Variants in GRIP1 observed in about 807,000 individuals in gnomAD.
GRIP1 encodes glutamate receptor interacting protein 1.
In GRIP1, 45 loss-of-function variants were observed where a neutral mutation model predicts 129.9. That is an observed-to-expected ratio of 0.35 (90% CI 0.27 to 0.44). The LOEUF is 0.44. Ranked by LOEUF, GRIP1 falls within the 20% of genes least tolerant of loss-of-function variation. GRIP1 has a pLI of 1.00. For missense variants in GRIP1, 1,196 were observed against 1,396.8 expected (o/e 0.86, Z 2.29); for synonymous variants, 530 against 520.8 (o/e 1.02, Z -0.24).
intron 7 of GRIP1, among the ~76,000 whole-genome samples, chr12:66,504,644 C>A (rs565788757): frequency 1.3e-5 from 2 of 152,240 alleles, no homozygotes; most frequent in South Asian, 2.1e-4. Flanking sequence ...TGGCCACCAC[C>A]AGTTAATCAG....
chr12:66,933,461 A>G (rs2041433463), intron 1 of GRIP1, among the ~76,000 whole-genome samples: 1 of 152,230 alleles, frequency 6.6e-6, no homozygotes, highest in Admixed American at 6.5e-5. Flanking sequence ...AAATGTATTT[A>G]CTATACTAAA....
chr12:66,904,087 T>G (rs989814629), intron 1 of GRIP1, among the ~76,000 whole-genome samples: 2 of 152,212 alleles, frequency 1.3e-5, no homozygotes, highest in Non-Finnish European at 2.9e-5. Flanking sequence ...GTCTGCCTTT[T>G]AGGAAGTATG....
chr12:66,365,447 C>T (rs1161324773), intron 23 of GRIP1, among the ~76,000 whole-genome samples: 1 of 152,092 alleles, frequency 6.6e-6, no homozygotes, highest in African/African-American at 2.4e-5. Flanking sequence ...TCACCTCCCT[C>T]CCAAAAAATA....
At chr12:66,451,584 C>T (rs2058808029) in intron 11 of GRIP1, among the ~76,000 whole-genome samples, 1 of 151,100 alleles carries the variant, frequency 6.6e-6, no homozygotes, top group South Asian at 2.1e-4. Flanking sequence ...TTTCTTTTCT[C>T]TTTTTTGTAG....
chr12:66,415,651 C>A (rs1406200490), intron 15 of GRIP1, among the ~76,000 whole-genome samples: 3 of 152,064 alleles, frequency 2.0e-5, no homozygotes, highest in Non-Finnish European at 4.4e-5. Context: ...TTCACAATAG[C>A]AAATACATGG....
intron 14 of GRIP1, among the ~76,000 whole-genome samples, chr12:66,432,295 A>T (rs1237110433): frequency 6.6e-6 from 1 of 152,140 alleles, no homozygotes; most frequent in Non-Finnish European, 1.5e-5. Flanking sequence ...AATAATTAAA[A>T]CAATCCTATA....
chr12:66,771,471 A>G (rs1229539962), intron 1 of GRIP1, among the ~76,000 whole-genome samples: 1 of 152,226 alleles, frequency 6.6e-6, no homozygotes, highest in Non-Finnish European at 1.5e-5. Flanking sequence ...CATTGAGTAC[A>G]TCATAAAGTA....
intron 1 of GRIP1, among the ~76,000 whole-genome samples, chr12:66,934,783 C>T (rs189993521): frequency 5.3e-5 from 8 of 152,204 alleles, no homozygotes; most frequent in African/African-American, 1.2e-4. Context: ...TTGAAAAATC[C>T]TACAGGGATC....
intron 1 of GRIP1, among the ~76,000 whole-genome samples, chr12:66,748,137 G>GCCTC (rs1176637834): frequency 6.6e-6 from 1 of 152,002 alleles, no homozygotes; most frequent in Non-Finnish European, 1.5e-5. Context: ...TCCTGCCTCA[G>GCCTC]CCTCCCAAGT....
intron 1 of GRIP1, among the ~76,000 whole-genome samples, chr12:66,828,703 C>G (rs1045246819): frequency 6.6e-6 from 1 of 152,176 alleles, no homozygotes; most frequent in Admixed American, 6.5e-5. Context: ...CAAAATTCAG[C>G]TCCAACTCCT....
At chr12:66,935,864 C>T (rs912102621) in intron 1 of GRIP1, among the ~76,000 whole-genome samples, 1 of 152,164 alleles carries the variant, frequency 6.6e-6, no homozygotes, top group Non-Finnish European at 1.5e-5. Flanking sequence ...GGCCAACACT[C>T]AGTTATTGTT....
rs551807720 is a variant in GRIP1 at position 67,059,593 on chromosome 12, G to A, written c.58+9457C>T. 2.0e-5 allele frequency among the ~76,000 whole-genome samples: 3 copies of A among 152,290 alleles called. No homozygotes were observed. In the East Asian group the frequency reaches 5.8e-4, roughly 29 times the overall value. On this transcript the variant is annotated intron_variant, in intron 1 of 1. Transcript: ENST00000643019. ...ATGATTTTTTAAACTAGAGACTAAT[G>A]TGTTCTTAATTGACAAGATCTAATT...
chr12:67,031,887 TG>T (rs1189608603), intron 1 of GRIP1, among the ~76,000 whole-genome samples: 1 of 152,146 alleles, frequency 6.6e-6, no homozygotes, highest in Non-Finnish European at 1.5e-5. Context: ...TGCTTCCCAT[TG>T]AGATTCTACC....
At chr12:66,520,833 C>T (rs530469463) in intron 5 of GRIP1, among the ~76,000 whole-genome samples, 3 of 152,338 alleles carry the variant, frequency 2.0e-5, no homozygotes, top group South Asian at 4.1e-4. Flanking sequence ...ATATCTGCAA[C>T]AGCAGTATAT....
chr12:66,574,790 T>TTTTTTTTTTTTTTTTTC (rs55885862), intron 2 of GRIP1, among the ~76,000 whole-genome samples: 23,653 of 138,588 alleles, frequency 0.17, 1,381 homozygotes, highest in Non-Finnish European at 0.21. Context: ...CACTTTTCTT[T>TTTTTTTTTTTTTTTTTC]TTTTTTTTTT....
chr12:66,903,106 T>C (rs1217718946), intron 1 of GRIP1, among the ~76,000 whole-genome samples: 1 of 143,014 alleles, frequency 7.0e-6, no homozygotes, highest in Admixed American at 6.8e-5. Context: ...ATTAAAATAC[T>C]TTCTTGTTAA....
chr12:66,437,372 C>T (rs529348470), intron 13 of GRIP1, among the ~76,000 whole-genome samples: 10 of 81,172 alleles, frequency 1.2e-4, no homozygotes, highest in South Asian at 4.1e-4. Flanking sequence ...CTGGGCTCAG[C>T]GGGAGAATAT....
intron 1 of GRIP1, among the ~76,000 whole-genome samples, chr12:66,995,945 G>T (rs995506397): frequency 3.2e-4 from 49 of 152,228 alleles, no homozygotes; most frequent in African/African-American, 1.1e-3. Flanking sequence ...ACTGATGAAT[G>T]GATAAATAAA....
chr12:67,017,084 A>C (rs1211269816), intron 1 of GRIP1, among the ~76,000 whole-genome samples: 1 of 152,218 alleles, frequency 6.6e-6, no homozygotes, highest in African/African-American at 2.4e-5. Flanking sequence ...CAAATAAGAC[A>C]ATGAATCTGC....
Sources: gnomAD v4.1 joint callset for allele counts (sites outside exome capture counted in the v4.1 genomes callset) on GRCh38, gnomAD v4.1.1 for gene constraint, MANE v1.5 for transcripts, NCBI Gene and HGNC (gene_info 2026-07-23, HGNC 2026-07-21) for gene names.